Variants in GABRR3 observed in about 807,000 individuals in gnomAD.
GABRR3 encodes gamma-aminobutyric acid type A receptor subunit rho3.
A neutral mutation model predicts 43.2 loss-of-function variants in GABRR3; 29 were observed. That is an observed-to-expected ratio of 0.67 (90% CI 0.50 to 0.92). The LOEUF is 0.92. Ranked by LOEUF, GABRR3 falls within the 40% of genes least tolerant of loss-of-function variation. The pLI is 0.00. For missense variants in GABRR3, 576 were observed against 572.3 expected (o/e 1.01, Z -0.07); for synonymous variants, 206 against 195.9 (o/e 1.05, Z -0.43).
intron 2 of GABRR3, among the ~76,000 whole-genome samples, chr3:98,034,567 A>T (rs1707128272): frequency 6.6e-6 from 1 of 152,166 alleles, no homozygotes; most frequent in Non-Finnish European, 1.5e-5. Flanking sequence ...TAATAAATGT[A>T]CTACTAATTG....
At chr3:98,022,639 C>T (rs1392808994) in intron 3 of GABRR3, among the ~76,000 whole-genome samples, 1 of 152,156 alleles carries the variant, frequency 6.6e-6, no homozygotes, top group Non-Finnish European at 1.5e-5. Flanking sequence ...GTGTCTTTCA[C>T]AGAGCTACCA....
intron 6 of GABRR3, 27 bp downstream of exon 6, chr3:98,008,929 C>A (rs752014379): frequency 9.2e-6 from 13 of 1,416,550 alleles, no homozygotes; most frequent in Middle Eastern, 3.5e-4. Context: ...ATGATGTGCA[C>A]TCACTCCACC....
chr3:98,028,922 A>T (rs183006191), intron 2 of GABRR3, among the ~76,000 whole-genome samples: 94 of 152,312 alleles, frequency 6.2e-4, no homozygotes, highest in Non-Finnish European at 9.4e-4. Context: ...TTAATAAAGG[A>T]TCACTATATC....
At chr3:98,005,870 C>T (rs942785463) in intron 7 of GABRR3, among the ~76,000 whole-genome samples, 2 of 152,074 alleles carry the variant, frequency 1.3e-5, no homozygotes, top group African/African-American at 4.8e-5. Context: ...ATATATATTA[C>T]ATTATATTAG....
chr3:98,034,687 T>G (rs1394068677), intron 2 of GABRR3, 176 bp downstream of exon 2: 1 of 288,554 alleles, frequency 3.5e-6, no homozygotes. Flanking sequence ...ATATTGCTCT[T>G]TCGGATGTCA....
At chr3:98,019,074 C>T (rs958155790) in intron 3 of GABRR3, among the ~76,000 whole-genome samples, 9 of 149,826 alleles carry the variant, frequency 6.0e-5, no homozygotes, top group African/African-American at 2.0e-4. Flanking sequence ...GGCGCCCCTG[C>T]ACTCCAGTCT....
exon 6 of GABRR3, chr3:98,008,982 T>C: frequency 6.2e-7 from 1 of 1,607,116 alleles, no homozygotes; most frequent in Non-Finnish European, 8.5e-7. Context: ...AGAACAATTT[T>C]GAGTGTCAAG....
intron 2 of GABRR3, among the ~76,000 whole-genome samples, chr3:98,030,850 T>G (rs1234161919): frequency 6.6e-6 from 1 of 152,230 alleles, no homozygotes; most frequent in Admixed American, 6.5e-5. Context: ...CTTATTATTT[T>G]TCTTTAGAAA....
At chr3:98,014,377 T>C (rs1460802702) in intron 4 of GABRR3, among the ~76,000 whole-genome samples, 4 of 151,338 alleles carry the variant, frequency 2.6e-5, no homozygotes, top group Non-Finnish European at 5.9e-5. Context: ...TTGGATAATA[T>C]GTCATTCAGA....
At chr3:98,001,362 CCT>C in intron 8 of GABRR3, 1 of 452,154 alleles carries the variant, frequency 2.2e-6, no homozygotes, top group Non-Finnish European at 4.0e-6. Context: ...AATTTCACCC[CCT>C]TTCTTTACTA....
At chr3:98,000,105 T>G (rs1706617550) in intron 8 of GABRR3, 1 of 152,080 alleles carries the variant, frequency 6.6e-6, no homozygotes, top group Non-Finnish European at 1.5e-5. Flanking sequence ...CTTAAAATAA[T>G]TTTTTTAAAA....
Position 98,018,235 on chromosome 3 carries a change from G to A in GABRR3, c.239-513C>T, listed in dbSNP as rs557432952. 5.9e-5 allele frequency among the ~76,000 whole-genome samples: 9 copies of A among 152,156 alleles called. No individual in the cohort carries two copies. The South Asian group carries it at 1.9e-3, about 32-fold the overall frequency. On this transcript the variant is annotated intron_variant, in intron 3 of 9. Transcript: ENST00000621172. ...AGCCTTTTCCATTTGTGCTGTGGTT[G>A]GTGGAGTAGAGGAACACAGAGAAAA... is the stretch of plus-strand genomic sequence containing the variant.
chr3:98,012,395 T>C lies in GABRR3; in HGVS notation c.479A>G (p.Glu160Gly). ...AGGGTGTACGCGCAGCATGATATTC[T>C]CCATAGTTGTATCATGGATGAAGGA... is the stretch of plus-strand genomic sequence containing the variant. Residue 160 changes from glutamate to glycine, a missense_variant, in exon 5 of 10, where the codon GAG (glutamate) becomes GGG (glycine). Coordinates refer to ENST00000621172, the Ensembl canonical transcript of GABRR3. 1.9e-6 allele frequency: 3 copies of C among 1,613,968 alleles called. No individual in the cohort carries two copies. Among genetic ancestry groups the C allele is most frequent in the Non-Finnish European group, 2.5e-6 (3 of 1,179,890 alleles).
Position 98,035,295 on chromosome 3 carries a change from C to A in GABRR3, c.-108G>T. 3.1e-6 allele frequency: 1 copy of A among 321,102 alleles called. No individual in the cohort carries two copies. Among genetic ancestry groups the A allele is most frequent in the Non-Finnish European group, 5.9e-6 (1 of 170,458 alleles). The allele number at this position is 321,102 out of a possible 1,614,324, so 19.9% of individuals were successfully genotyped here. On this transcript the variant is annotated 5_prime_UTR_variant, in exon 1 of 10. An upstream start codon of the reference 5' UTR is lost. Coordinates refer to ENST00000621172, the Ensembl canonical transcript of GABRR3. ...AAGGTTTTTAGTGTGATGCTCAATC[C>A]ATACTCAGTAAACCCTCAGCGGCAG...
At chr3:98,025,478 T>C in intron 3 of GABRR3, 89 bp downstream of exon 3, 1 of 775,020 alleles carries the variant, frequency 1.3e-6, no homozygotes, top group Non-Finnish European at 2.0e-6. Flanking sequence ...TGATGGACTT[T>C]ACTTGCATTT....
At chr3:98,018,061 A>G (rs912619236) in intron 3 of GABRR3, among the ~76,000 whole-genome samples, 10 of 151,918 alleles carry the variant, frequency 6.6e-5, no homozygotes, top group Non-Finnish European at 1.5e-4. Flanking sequence ...TTAAAAAGGA[A>G]AAGTGTTTTG....
At chr3:98,031,767 A>G (rs1707089394) in intron 2 of GABRR3, among the ~76,000 whole-genome samples, 1 of 152,110 alleles carries the variant, frequency 6.6e-6, no homozygotes, top group Non-Finnish European at 1.5e-5. Context: ...TAAAAATTAA[A>G]AAACAAACAA....
At chr3:98,002,600 T>C (rs73853110) in intron 7 of GABRR3, among the ~76,000 whole-genome samples, 4,554 of 152,250 alleles carry the variant, frequency 0.03, 209 homozygotes, top group African/African-American at 0.1. Context: ...CTCATACATT[T>C]CTAATTTATA....
downstream of GABRR3, among the ~76,000 whole-genome samples, chr3:97,985,158 C>T (rs762364937): frequency 2.0e-5 from 3 of 152,150 alleles, no homozygotes; most frequent in Admixed American, 6.5e-5. Flanking sequence ...AAATAGGTAT[C>T]GGAATATTTC....
Sources: allele counts gnomAD v4.1 joint callset (sites outside exome capture counted in the v4.1 genomes callset), GRCh38; gene constraint gnomAD v4.1.1; transcripts MANE v1.5; gene names NCBI Gene and HGNC (gene_info 2026-07-23, HGNC 2026-07-21).